The following CAPN10 variants were observed in gnomAD, a reference collection of about 807,000 sequenced individuals.
CAPN10 encodes calpain 10.
CAPN10 carries 71 observed loss-of-function variants against 78.4 expected under a neutral mutation model. That is an observed-to-expected ratio of 0.91 (90% CI 0.75 to 1.10). The LOEUF is 1.10. CAPN10 is among the 50% of genes least tolerant of loss of function. CAPN10 has a pLI of 0.00. For missense variants in CAPN10, 849 were observed against 924.6 expected, an observed-to-expected ratio of 0.92 and a Z score of 1.06; for synonymous variants, 437 against 407.2, an observed-to-expected ratio of 1.07 and a Z score of -0.88.
In CAPN10 at chr2:240,596,745, A is replaced by T. The variant is rs2093139437; in HGVS notation, c.1546A>T (p.Thr516Ser). ...GAALPAGEWG[T>S]VQLRGSWRVG... ...AGCCCTGCCTGCGGGGGAGTGGGGG[A>T]CCGTGCAGCTACGGGGTTCTTGGAG... The change falls in exon 9 of 12, where the codon ACC becomes TCC. Residue 516 changes from threonine (T) to serine (S), a missense_variant. Physicochemically the swap from Thr to Ser is moderately conservative, Grantham distance 58. Coordinates refer to ENST00000391984, the MANE Select transcript of CAPN10 (RefSeq NM_023083.4). 6.2e-7 allele frequency: 1 copy of T among 1,603,200 alleles called. No individual in the cohort carries two copies. The highest frequency in any genetic ancestry group is 8.5e-7 in the Non-Finnish European group (1 of 1,174,208).
intron 9 of CAPN10, among the ~76,000 whole-genome samples, chr2:240,597,211 TG>T (rs1484025369): frequency 3.3e-5 from 5 of 150,014 alleles, no homozygotes; most frequent in Admixed American, 2.0e-4. Flanking sequence ...AGGTGGTGAG[TG>T]GGGAGGAAGG....
intron 4 of CAPN10, 100 bp downstream of exon 4, chr2:240,592,250 C>T: frequency 2.0e-6 from 2 of 1,012,232 alleles, no homozygotes; most frequent in Non-Finnish European, 3.0e-6. Flanking sequence ...CTACACAGCC[C>T]TGTCAGGACT....
chr2:240,596,282 C>T (rs761058925), intron 7 of CAPN10, 37 bp from the exon 8 acceptor site: 18 of 1,566,522 alleles, frequency 1.1e-5, no homozygotes, highest in Admixed American at 3.6e-5. Flanking sequence ...TGACCCCGGC[C>T]GCTCCTCCAC....
chr2:240,597,051 T>TC, intron 9 of CAPN10, 109 bp downstream of exon 9: 1 of 1,385,222 alleles, frequency 7.2e-7, no homozygotes, highest in Non-Finnish European at 1.0e-6. Flanking sequence ...TCACTTGGGC[T>TC]CCCCCTGCCC....
Position 240,592,128 on chromosome 2 carries a change from C to A in CAPN10, c.666C>A (p.Cys222Ter). ...LHLKDQCLIS[C>*]CVLSPRAGAR... The stretch of plus-strand genomic sequence containing the variant: ...TGAAGGACCAGTGTCTGATCAGCTG[C>A]TGCGTGCTCAGCCCCAGAGCAGGTG... The change falls in exon 4 of 12, where the codon TGC becomes TGA. Residue 222 changes from cysteine to a stop codon, truncating the protein, a stop_gained. Coordinates refer to ENST00000391984, the MANE Select transcript of CAPN10 (RefSeq NM_023083.4). LOFTEE classifies it high-confidence loss of function. 1 of 1,572,592 alleles carries A rather than the reference C, an allele frequency of 6.4e-7. No homozygotes were observed. The highest frequency in any genetic ancestry group is 2.3e-5 in the East Asian group (1 of 43,450).
In CAPN10 at chr2:240,595,790, C is replaced by T. The variant is rs111555729; in HGVS notation, c.1278+486C>T. 5.1e-4 allele frequency: 260 copies of T among 507,724 alleles called. 1 individual carries two copies. The highest frequency in any genetic ancestry group is 4.6e-3 in the African/African-American group (237 of 51,188). The allele number at this position is 507,724 out of a possible 1,614,324, so 31.5% of individuals were successfully genotyped here. On this transcript the variant is annotated intron_variant, in intron 7 of 11. Transcript: ENST00000391984. ...GGATTGCTCTGAGGCCCAGGCAGTC[C>T]CAGGCTCAACCACTGGTTCACAAAG...
At position 240,595,081 on chromosome 2, in the gene CAPN10, C is replaced by G; in HGVS notation, c.1055C>G (p.Ala352Gly). Residue 352 changes from alanine to glycine, a missense_variant, in exon 7 of 12, where the codon GCA becomes GGA. Ala to Gly is a moderately conservative substitution (Grantham distance 60). Transcript: ENST00000391984. The part of the protein sequence containing the change: ...LPGAWVKGQS[A>G]GGCRNNSGFP... ...GGGGCCTGGGTCAAGGGCCAGTCAG[C>G]AGGAGGCTGCCGGAACAACAGCGGC... 1 of 1,613,682 alleles carries G rather than the reference C, an allele frequency of 6.2e-7. No individual in the cohort carries two copies. Among genetic ancestry groups the G allele is most frequent in the South Asian group, 1.1e-5 (1 of 91,086 alleles).
At chr2:240,589,234 T>C (rs1559422995) in intron 1 of CAPN10, 109 bp from the exon 2 acceptor site, 8 of 1,429,626 alleles carry the variant, frequency 5.6e-6, no homozygotes, top group Non-Finnish European at 7.9e-6. Flanking sequence ...GTAACACTGA[T>C]GATCGGAAAA....
chr2:240,586,774 G>T lies in CAPN10; in HGVS notation c.-138G>T, dbSNP rs1409551741. 2.0e-5 allele frequency: 16 copies of T among 798,486 alleles called. No homozygotes were observed. The highest frequency in any genetic ancestry group is 2.7e-5 in the Non-Finnish European group (16 of 582,056). The allele number at this position is 798,486 out of a possible 1,614,324, so 49.5% of individuals were successfully genotyped here. On this transcript the variant is annotated 5_prime_UTR_variant, in exon 1 of 12. Transcript: ENST00000391984. Reference sequence around the variant, plus strand: ...CGTACTGGCCTGGTCCAGCACCTGCGGGGCCCTCGGGCTTGGAGGGCTGGG... The same window carrying T: ...CGTACTGGCCTGGTCCAGCACCTGCTGGGCCCTCGGGCTTGGAGGGCTGGG...
chr2:240,589,018 G>A (rs1054221260), intron 1 of CAPN10, among the ~76,000 whole-genome samples: 5 of 152,200 alleles, frequency 3.3e-5, no homozygotes, highest in African/African-American at 9.7e-5. Flanking sequence ...CAGCAGGATG[G>A]AGGACACATT....
intron 7 of CAPN10, 30 bp from the exon 8 acceptor site, chr2:240,596,289 C>T (rs765606395): frequency 6.3e-7 from 1 of 1,581,910 alleles, no homozygotes; most frequent in African/African-American, 1.3e-5. Flanking sequence ...GGCCGCTCCT[C>T]CACACTGAGC....
intron 1 of CAPN10, among the ~76,000 whole-genome samples, chr2:240,589,075 A>G (rs1179440046): frequency 6.6e-6 from 1 of 152,214 alleles, no homozygotes; most frequent in Admixed American, 6.5e-5. Context: ...CGAAGCCAAC[A>G]TTTAGCTGTT....
intron 9 of CAPN10, 86 bp from the exon 10 acceptor site, chr2:240,597,802 G>T (rs549074137): frequency 7.5e-5 from 91 of 1,215,398 alleles, no homozygotes; most frequent in Non-Finnish European, 1.0e-4. Context: ...GACTCAAGAG[G>T]GCCAAGGGCA....
intron 6 of CAPN10, 135 bp from the exon 7 acceptor site, chr2:240,594,889 G>T: frequency 9.1e-7 from 1 of 1,104,444 alleles, no homozygotes; most frequent in Non-Finnish European, 1.3e-6. Flanking sequence ...GGAGGAGGGT[G>T]GGCTTGTGGG....
At position 240,598,732 on chromosome 2, in the gene CAPN10, G is replaced by T. The variant is rs1226727255; in HGVS notation, c.*52G>T. 6.6e-7 allele frequency: 1 copy of T among 1,525,814 alleles called. No individual in the cohort carries two copies. Among genetic ancestry groups the T allele is most frequent in the East Asian group, 2.4e-5 (1 of 41,776 alleles). The allele number at this position is 1,525,814 out of a possible 1,614,324, so 94.5% of individuals were successfully genotyped here. ...GTGACTGGAGCCCGAGGGCCTGACA[G>T]GTTCCCAGCAGCTGGGCCGGCCAGC... is the stretch of plus-strand genomic sequence containing the variant. On this transcript the variant is annotated 3_prime_UTR_variant, in exon 12 of 12. Transcript: ENST00000391984.
chr2:240,596,555 G>C (rs749570105), intron 8 of CAPN10, 34 bp downstream of exon 8: 2 of 1,566,096 alleles, frequency 1.3e-6, no homozygotes, highest in Middle Eastern at 1.7e-4. Context: ...CTGGCTCTCC[G>C]AGGCCACAGG....
At chr2:240,596,147 G>A (rs2125464731) in intron 7 of CAPN10, 172 bp from the exon 8 acceptor site, 1 of 1,500,994 alleles carries the variant, frequency 6.7e-7, no homozygotes, top group African/African-American at 1.4e-5. Context: ...GTGAAGCCCG[G>A]GATTGGTGGG....
intron 7 of CAPN10, chr2:240,596,064 G>A: frequency 1.3e-6 from 2 of 1,525,916 alleles, no homozygotes; most frequent in Non-Finnish European, 1.8e-6. Flanking sequence ...CTGGGCCACG[G>A]TGCCTTTGTG....
Position 240,595,237 on chromosome 2 carries a change from A to G in CAPN10, c.1211A>G (p.His404Arg), listed in dbSNP as rs200186797. ...GRARALVGDS[H>R]TSWSPASIPG... ...GCCCGGGCACTGGTGGGTGACAGTCATACTTCGTGGAGCCCAGCGAGCATC... is the reference window on the plus strand; with the variant it reads ...GCCCGGGCACTGGTGGGTGACAGTCGTACTTCGTGGAGCCCAGCGAGCATC... The change falls in exon 7 of 12, where the codon CAT becomes CGT. Residue 404 changes from histidine (H) to arginine (R), a missense_variant. By Grantham distance (29) the His-to-Arg change is conservative. Transcript: ENST00000391984. 30 of 1,613,546 alleles carry G rather than the reference A, an allele frequency of 1.9e-5. No homozygotes were observed. Among genetic ancestry groups the G allele is most frequent in the Admixed American group, 1.2e-4 (7 of 60,000 alleles).
Sources: gnomAD v4.1 joint callset for allele counts (sites outside exome capture counted in the v4.1 genomes callset) on GRCh38, gnomAD v4.1.1 for gene constraint, MANE v1.5 for transcripts, NCBI Gene and HGNC (gene_info 2026-07-23, HGNC 2026-07-21) for gene names.